The following EPHA3 variants were observed in gnomAD, a reference collection of about 807,000 sequenced individuals.
The protein encoded by EPHA3 is ephrin type-A receptor 3.
Under a neutral mutation model 107.1 loss-of-function variants are expected in EPHA3, and 42 were observed. That is an observed-to-expected ratio of 0.39 (90% CI 0.31 to 0.51). The LOEUF (loss-of-function observed/expected upper bound fraction) is 0.51. Ranked by LOEUF, EPHA3 falls within the 20% of genes least tolerant of loss-of-function variation. The pLI, the probability that EPHA3 is intolerant of heterozygous loss-of-function variation, is 0.78. For synonymous variants in EPHA3, 461 were observed against 424.8 expected (o/e 1.09, Z -1.05); for missense variants, 1,183 against 1,211.2 (o/e 0.98, Z 0.35).
At chr3:89,309,549 C>A (rs1444172530) in intron 3 of EPHA3, among the ~76,000 whole-genome samples, 1 of 151,996 alleles carries the variant, frequency 6.6e-6, no homozygotes, top group African/African-American at 2.4e-5. Flanking sequence ...TGCCATGTAC[C>A]CACACAGGCA....
intron 3 of EPHA3, among the ~76,000 whole-genome samples, chr3:89,290,172 T>C (rs1171310591): frequency 1.3e-5 from 2 of 152,126 alleles, no homozygotes; most frequent in East Asian, 1.9e-4. Context: ...TCATTCTAAC[T>C]ACACACTTCT....
At chr3:89,427,342 T>C (rs1374276190) in intron 11 of EPHA3, among the ~76,000 whole-genome samples, 2 of 151,872 alleles carry the variant, frequency 1.3e-5, no homozygotes, top group Non-Finnish European at 1.5e-5. Context: ...TCAAAGAGTT[T>C]TTTACACATG....
chr3:89,460,667 C>G (rs1259547327), intron 15 of EPHA3, among the ~76,000 whole-genome samples: 6 of 143,148 alleles, frequency 4.2e-5, no homozygotes, highest in Non-Finnish European at 7.7e-5. Flanking sequence ...CAAGACAAAT[C>G]GAACAACCAA....
chr3:89,282,937 A>G (rs1705984598), intron 3 of EPHA3, among the ~76,000 whole-genome samples: 1 of 152,148 alleles, frequency 6.6e-6, no homozygotes, highest in Admixed American at 6.5e-5. Flanking sequence ...ATTTCGTTGT[A>G]TTAATCCTTG....
chr3:89,258,578 A>G (rs533536875), intron 3 of EPHA3, among the ~76,000 whole-genome samples: 1 of 152,342 alleles, frequency 6.6e-6, no homozygotes, highest in East Asian at 1.9e-4. Context: ...AATAAAACAA[A>G]TCAAGTAAAG....
chr3:89,203,398 C>T (rs1412577456), intron 2 of EPHA3, among the ~76,000 whole-genome samples: 3 of 151,242 alleles, frequency 2.0e-5, no homozygotes, highest in Non-Finnish European at 4.4e-5. Context: ...AGGTATGAGA[C>T]ATTTGTCCAA....
At chr3:89,316,262 G>A (rs970099729) in intron 3 of EPHA3, among the ~76,000 whole-genome samples, 1 of 151,278 alleles carries the variant, frequency 6.6e-6, no homozygotes, top group Non-Finnish European at 1.5e-5. Flanking sequence ...AGTCTCTCTG[G>A]CACTATTTCC....
At chr3:89,160,993 G>A (rs773062171) in intron 2 of EPHA3, among the ~76,000 whole-genome samples, 22 of 152,106 alleles carry the variant, frequency 1.4e-4, no homozygotes, top group Middle Eastern at 3.4e-3. Context: ...GAAATTTAAC[G>A]AAATTATTAA....
chr3:89,346,245 G>T (rs1277807742), intron 5 of EPHA3, among the ~76,000 whole-genome samples: 1 of 128,682 alleles, frequency 7.8e-6, no homozygotes, highest in Admixed American at 7.6e-5. Flanking sequence ...CAGTGTAAAA[G>T]TGTTCCTGTT....
intron 3 of EPHA3, among the ~76,000 whole-genome samples, chr3:89,319,707 G>T (rs1255310785): frequency 6.6e-6 from 1 of 151,820 alleles, no homozygotes; most frequent in Non-Finnish European, 1.5e-5. Flanking sequence ...TGCAAAAACT[G>T]GGGGCCTCAG....
chr3:89,381,266 C>T (rs1396309299), intron 5 of EPHA3, among the ~76,000 whole-genome samples: 2 of 152,010 alleles, frequency 1.3e-5, no homozygotes, highest in Non-Finnish European at 2.9e-5. Flanking sequence ...GCCACCGCGC[C>T]CGGCCTATAG....
At chr3:89,340,702 T>A (rs1029775131) in intron 3 of EPHA3, among the ~76,000 whole-genome samples, 3 of 152,216 alleles carry the variant, frequency 2.0e-5, no homozygotes, top group African/African-American at 7.2e-5. Context: ...ATCTAAATCT[T>A]GTGTGTGTGT....
In EPHA3 at chr3:89,361,394, C is replaced by T. The variant is rs541947026; in HGVS notation, c.1306+19304C>T. The stretch of plus-strand genomic sequence containing the variant: ...ATATATTTATTTTTTACCCCAGTGG[C>T]CCTTATAAAAAGGGCTAGAAAATCA... On this transcript the variant is annotated intron_variant, in intron 5 of 16. Coordinates refer to ENST00000336596, the MANE Select transcript of EPHA3 (RefSeq NM_005233.6). Among the ~76,000 whole-genome samples, 12 of 150,908 alleles carry T rather than the reference C, an allele frequency of 8.0e-5. No individual in the cohort carries two copies. In the South Asian group the frequency reaches 2.5e-3, roughly 31 times the overall value.
At chr3:89,285,717 T>G (rs1259984118) in intron 3 of EPHA3, among the ~76,000 whole-genome samples, 1 of 152,194 alleles carries the variant, frequency 6.6e-6, no homozygotes, top group Non-Finnish European at 1.5e-5. Context: ...TAGGTCCTGT[T>G]GCTCAATGCA....
At chr3:89,154,997 C>T (rs2107054904) in intron 2 of EPHA3, among the ~76,000 whole-genome samples, 1 of 150,594 alleles carries the variant, frequency 6.6e-6, no homozygotes, top group South Asian at 2.1e-4. Flanking sequence ...AAAATTTTTT[C>T]AAAGAATAAG....
chr3:89,294,851 A>G (rs1224384756), intron 3 of EPHA3, among the ~76,000 whole-genome samples: 1 of 152,068 alleles, frequency 6.6e-6, no homozygotes, highest in Non-Finnish European at 1.5e-5. Flanking sequence ...CATGCCATGT[A>G]ATTATTTTTT....
intron 2 of EPHA3, among the ~76,000 whole-genome samples, chr3:89,202,246 G>A (rs533263353): frequency 1.3e-5 from 2 of 152,066 alleles, no homozygotes; most frequent in East Asian, 3.9e-4. Flanking sequence ...TGTAATCTCA[G>A]CACTTTGGGA....
intron 5 of EPHA3, among the ~76,000 whole-genome samples, chr3:89,354,099 A>G (rs1559660958): frequency 3.3e-5 from 5 of 151,454 alleles, no homozygotes; most frequent in South Asian, 2.1e-4. Context: ...AGGGCAAAAA[A>G]TATTTAATTC....
At chr3:89,255,845 G>A (rs1705271550) in intron 3 of EPHA3, among the ~76,000 whole-genome samples, 1 of 151,860 alleles carries the variant, frequency 6.6e-6, no homozygotes, top group Non-Finnish European at 1.5e-5. Context: ...AGGATGCAGT[G>A]AGCCAAGATC....
Sources: allele counts gnomAD v4.1 joint callset (sites outside exome capture counted in the v4.1 genomes callset), GRCh38; gene constraint gnomAD v4.1.1; transcripts MANE v1.5; gene names NCBI Gene and HGNC (gene_info 2026-07-23, HGNC 2026-07-21).